RAB38: variants seen among roughly 807,000 people sequenced by gnomAD.
RAB38 encodes RAB38, member RAS oncogene family.
A neutral mutation model predicts 18.4 loss-of-function variants in RAB38; 15 were observed. The observed-to-expected ratio is 0.82, with a 90% CI of 0.55 to 1.26. RAB38 has a LOEUF of 1.26. Among genes scored for constraint, RAB38 ranks in the 50% most tolerant of loss-of-function variants. RAB38 has a pLI of 0.00. For synonymous variants in RAB38, 101 were observed against 104.4 expected, an observed-to-expected ratio of 0.97 and a Z score of 0.20; for missense variants, 294 against 267.4, an observed-to-expected ratio of 1.10 and a Z score of -0.69.
At chr11:88,030,556 G>A in the RAB38 span, among the ~76,000 whole-genome samples, 6,444 of 152,166 alleles carry the variant, frequency 0.042, 415 homozygotes, top group East Asian at 0.32. Flanking sequence ...TATAACCACC[G>A]ATTCCACAGA....
chr11:87,808,530 AG>A, the RAB38 span, among the ~76,000 whole-genome samples: 13 of 152,326 alleles, frequency 8.5e-5, no homozygotes, highest in South Asian at 1.7e-3. Flanking sequence ...GATGGTCACC[AG>A]GAGTGGACGT....
the RAB38 span, among the ~76,000 whole-genome samples, chr11:87,939,625 A>C: frequency 6.6e-6 from 1 of 152,106 alleles, no homozygotes; most frequent in South Asian, 2.1e-4. Context: ...TGGGAGGCCG[A>C]GGAGCTAAGA....
At chr11:88,094,913 C>T in the RAB38 span, among the ~76,000 whole-genome samples, 3 of 151,824 alleles carry the variant, frequency 2.0e-5, no homozygotes, top group Non-Finnish European at 4.4e-5. Context: ...CTGCTTTTCT[C>T]CTCTCACTCT....
the RAB38 span, among the ~76,000 whole-genome samples, chr11:87,884,820 A>AT: frequency 6.6e-6 from 1 of 151,866 alleles, no homozygotes; most frequent in Non-Finnish European, 1.5e-5. Context: ...CGGAATGCAG[A>AT]TTTTCCTACC....
At chr11:88,047,282 T>C in the RAB38 span, among the ~76,000 whole-genome samples, 1 of 152,154 alleles carries the variant, frequency 6.6e-6, no homozygotes, top group African/African-American at 2.4e-5. Context: ...CACACCTGAC[T>C]CCCATGACTG....
chr11:87,869,890 T>C, the RAB38 span, among the ~76,000 whole-genome samples: 7 of 151,786 alleles, frequency 4.6e-5, no homozygotes, highest in Non-Finnish European at 1.0e-4. Flanking sequence ...GCAACTCAAC[T>C]AAGCTAACAC....
chr11:87,954,376 C>T, the RAB38 span, among the ~76,000 whole-genome samples: 1 of 152,000 alleles, frequency 6.6e-6, no homozygotes, highest in Non-Finnish European at 1.5e-5. Flanking sequence ...TGGAAATGTT[C>T]CAGATAAAGA....
intron 2 of RAB38, among the ~76,000 whole-genome samples, chr11:88,124,869 T>C (rs974164644): frequency 2.0e-5 from 3 of 152,250 alleles, no homozygotes; most frequent in Admixed American, 6.5e-5. Flanking sequence ...CAAATAATCA[T>C]TGAGCACTTT....
At chr11:88,170,834 C>T (rs1264949468) in intron 1 of RAB38, among the ~76,000 whole-genome samples, 1 of 151,216 alleles carries the variant, frequency 6.6e-6, no homozygotes, top group Non-Finnish European at 1.5e-5. Flanking sequence ...TGTCTGCCAA[C>T]TTAATTTATT....
the RAB38 span, among the ~76,000 whole-genome samples, chr11:88,086,881 T>C: frequency 6.6e-6 from 1 of 151,898 alleles, no homozygotes; most frequent in Non-Finnish European, 1.5e-5. Flanking sequence ...TGCCAGTATC[T>C]ACAAAATAAT....
chr11:87,920,674 A>G, the RAB38 span, among the ~76,000 whole-genome samples: 1 of 149,776 alleles, frequency 6.7e-6, no homozygotes, highest in African/African-American at 2.5e-5. Flanking sequence ...GTACAGTTTA[A>G]GTTTAACATT....
chr11:87,949,175 A>G, the RAB38 span, among the ~76,000 whole-genome samples: 1 of 152,112 alleles, frequency 6.6e-6, no homozygotes, highest in Non-Finnish European at 1.5e-5. Context: ...GTTTATTTGC[A>G]TAGAGGTGTT....
the RAB38 span, among the ~76,000 whole-genome samples, chr11:87,838,790 C>T: frequency 6.6e-6 from 1 of 152,200 alleles, no homozygotes; most frequent in African/African-American, 2.4e-5. Context: ...GCCAGCTCAT[C>T]CTCTGTTAAC....
chr11:87,876,694 T>G, the RAB38 span, among the ~76,000 whole-genome samples: 1 of 151,486 alleles, frequency 6.6e-6, no homozygotes, highest in Admixed American at 6.6e-5. Context: ...TTTGAAAATT[T>G]TTTCTTAGAA....
At chr11:88,022,083 T>A in the RAB38 span, among the ~76,000 whole-genome samples, 1 of 151,940 alleles carries the variant, frequency 6.6e-6, no homozygotes, top group Non-Finnish European at 1.5e-5. Flanking sequence ...TGATGAATGA[T>A]GGTGCAAAAA....
chr11:88,078,606 G>A, the RAB38 span, among the ~76,000 whole-genome samples: 1 of 151,822 alleles, frequency 6.6e-6, no homozygotes, highest in African/African-American at 2.4e-5. Context: ...ATTATGTTAA[G>A]TGAAATAAAG....
chr11:87,892,735 C>G, the RAB38 span, among the ~76,000 whole-genome samples: 6 of 151,890 alleles, frequency 4.0e-5, no homozygotes, highest in African/African-American at 1.4e-4. Context: ...CAATTCTACC[C>G]AGTCTTTAAG....
the RAB38 span, among the ~76,000 whole-genome samples, chr11:87,878,220 T>C: frequency 6.4e-5 from 7 of 109,244 alleles, no homozygotes; most frequent in East Asian, 4.8e-4. Flanking sequence ...TATATATATA[T>C]ATACACACAT....
At chr11:87,835,652 C>T in the RAB38 span, among the ~76,000 whole-genome samples, 2 of 152,212 alleles carry the variant, frequency 1.3e-5, no homozygotes, top group African/African-American at 4.8e-5. Context: ...TAGTCATATA[C>T]AGAGGGAATA....
Sources: allele counts gnomAD v4.1 joint callset (sites outside exome capture counted in the v4.1 genomes callset), GRCh38; gene constraint gnomAD v4.1.1; transcripts MANE v1.5; gene names NCBI Gene and HGNC (gene_info 2026-07-23, HGNC 2026-07-21).